CNIH3: variants seen among roughly 807,000 people sequenced by gnomAD.
CNIH3 encodes the protein protein cornichon homolog 3.
A neutral mutation model predicts 24.1 loss-of-function variants in CNIH3; 14 were observed. That is an observed-to-expected ratio of 0.58 (90% CI 0.38 to 0.91). The LOEUF is 0.91. Ranked by LOEUF, CNIH3 falls within the 40% of genes least tolerant of loss-of-function variation. The pLI, the probability that CNIH3 is intolerant of heterozygous loss-of-function variation, is 0.00. For synonymous variants in CNIH3, 68 were observed against 73.8 expected, an observed-to-expected ratio of 0.92 and a Z score of 0.40; for missense variants, 178 against 196.8, an observed-to-expected ratio of 0.90 and a Z score of 0.57.
Position 224,616,419 on chromosome 1 carries a change from A to C in CNIH3, c.-756A>C, listed in dbSNP as rs1293528031. 1.0e-6 allele frequency: 1 copy of C among 967,768 alleles called. No homozygotes were observed. The highest frequency in any genetic ancestry group is 1.2e-6 in the Non-Finnish European group (1 of 809,884). The allele number at this position is 967,768 out of a possible 1,614,324, so 59.9% of individuals were successfully genotyped here. On this transcript the variant is annotated 5_prime_UTR_variant, in exon 1 of 6. Coordinates refer to ENST00000272133, the MANE Select transcript of CNIH3 (RefSeq NM_152495.2). ...CCACTGCTGCAGCCACCCGGGCTGG[A>C]GTTGGCCCGTTGGGTGGAGCCAGTG...
intron 4 of CNIH3, among the ~76,000 whole-genome samples, chr1:224,569,913 A>G (rs1417125872): frequency 1.3e-5 from 2 of 152,010 alleles, no homozygotes; most frequent in Non-Finnish European, 2.9e-5. Context: ...CCTCCAGAGT[A>G]GCTGGGATTA....
chr1:224,523,487 G>A (rs2124918592), intron 2 of CNIH3, among the ~76,000 whole-genome samples: 2 of 152,248 alleles, frequency 1.3e-5, no homozygotes, highest in South Asian at 4.1e-4. Flanking sequence ...CTCAAGACCA[G>A]GCAAAATGAA....
At chr1:224,516,788 C>T (rs1338251843) in intron 1 of CNIH3, among the ~76,000 whole-genome samples, 1 of 152,222 alleles carries the variant, frequency 6.6e-6, no homozygotes, top group East Asian at 1.9e-4. Context: ...CGTTTTCTTA[C>T]CCTCTGCCAT....
At chr1:224,733,407 T>C (rs957160696) in intron 4 of CNIH3, among the ~76,000 whole-genome samples, 1 of 152,190 alleles carries the variant, frequency 6.6e-6, no homozygotes, top group African/African-American at 2.4e-5. Context: ...GCTTTTGAGA[T>C]TGGCTCCCAG....
intron 1 of CNIH3, among the ~76,000 whole-genome samples, chr1:224,489,049 T>A (rs1677141255): frequency 6.6e-6 from 1 of 152,226 alleles, no homozygotes; most frequent in Non-Finnish European, 1.5e-5. Flanking sequence ...TTTCTTTGAA[T>A]ATTGAATAAT....
rs1048431733 is a variant in CNIH3 at position 224,604,789 on chromosome 1, T to A, written n.402+38525T>A. ...GACATGCCCCAGCTCGCCTGTGTTA[T>A]AGCTTATACCCACATTTGGTGGTTC... On this transcript the variant is annotated intron_variant and non_coding_transcript_variant, in intron 3 of 7. Transcript: ENST00000478120. The surrounding 1 kb of genome is among the most constrained non-coding windows in gnomAD (Gnocchi z 4.4). Among the ~76,000 whole-genome samples the A allele has an allele frequency of 2.0e-5, 3 of 152,206 alleles. No homozygotes were observed. Among genetic ancestry groups the A allele is most frequent in the Admixed American group, 1.3e-4 (2 of 15,286 alleles).
rs548879323 is a variant in CNIH3 at position 224,644,368 on chromosome 1, G to A, written c.81+27113G>A. On this transcript the variant is annotated intron_variant, in intron 1 of 5. Transcript: ENST00000272133. ...TGGGACTACAGGGGTGTGCCTCCAC[G>A]CCCAGCTAATTTTTGTATTTTTTGT... Among the ~76,000 whole-genome samples, 58 of 151,760 alleles carry A rather than the reference G, an allele frequency of 3.8e-4. No homozygotes were observed. In the South Asian group the frequency reaches 0.011, roughly 29 times the overall value.
At chr1:224,598,559 T>C (rs1158942871) in intron 3 of CNIH3, among the ~76,000 whole-genome samples, 1 of 152,218 alleles carries the variant, frequency 6.6e-6, no homozygotes, top group Non-Finnish European at 1.5e-5. Context: ...AGAGAGATCT[T>C]TCACGAAAGG....
intron 4 of CNIH3, among the ~76,000 whole-genome samples, chr1:224,581,226 C>T (rs1246482583): frequency 6.6e-6 from 1 of 152,204 alleles, no homozygotes; most frequent in South Asian, 2.1e-4. Context: ...GGGATTTAGG[C>T]TTTACCCAAG....
intron 1 of CNIH3, among the ~76,000 whole-genome samples, chr1:224,517,778 G>A (rs1032276356): frequency 2.0e-5 from 3 of 152,084 alleles, no homozygotes; most frequent in African/African-American, 4.8e-5. Flanking sequence ...GTCTCGATCC[G>A]GGTTGCTGCA....
chr1:224,528,669 A>G (rs1280521321), intron 2 of CNIH3, among the ~76,000 whole-genome samples: 1 of 152,126 alleles, frequency 6.6e-6, no homozygotes, highest in Admixed American at 6.5e-5. Flanking sequence ...GTTACAGGCA[A>G]TTTGGGTTTT....
intron 3 of CNIH3, among the ~76,000 whole-genome samples, chr1:224,698,988 CACT>C (rs1687331404): frequency 1.3e-5 from 1 of 78,456 alleles, no homozygotes; most frequent in East Asian, 3.5e-4. Context: ...GCTGAGAGGT[CACT>C]TAGTAAGTGC....
chr1:224,729,669 T>C (rs556380374), intron 3 of CNIH3, among the ~76,000 whole-genome samples: 7 of 152,258 alleles, frequency 4.6e-5, no homozygotes, highest in Non-Finnish European at 7.4e-5. Context: ...ACAGTTACCC[T>C]TTAGCTTACA....
chr1:224,441,465 ATAAT>A (rs1365457447), intron 1 of CNIH3, among the ~76,000 whole-genome samples: 1 of 152,234 alleles, frequency 6.6e-6, no homozygotes, highest in African/African-American at 2.4e-5. Flanking sequence ...AAGTAGATAA[ATAAT>A]TAATAGCCCC....
chr1:224,672,949 C>T (rs758548950), intron 1 of CNIH3, among the ~76,000 whole-genome samples: 1 of 152,186 alleles, frequency 6.6e-6, no homozygotes, highest in Non-Finnish European at 1.5e-5. Flanking sequence ...TTTCCCAGTG[C>T]CCAAATGCTC....
At chr1:224,581,959 T>C (rs1160073651) in intron 4 of CNIH3, among the ~76,000 whole-genome samples, 5 of 152,164 alleles carry the variant, frequency 3.3e-5, no homozygotes, top group African/African-American at 1.2e-4. Flanking sequence ...GGAATCAGAC[T>C]GAGTGTGCGT....
At chr1:224,660,305 C>T (rs1238882643) in intron 1 of CNIH3, among the ~76,000 whole-genome samples, 1 of 152,050 alleles carries the variant, frequency 6.6e-6, no homozygotes, top group Non-Finnish European at 1.5e-5. Context: ...TACTCACTAC[C>T]ACGAGAACAG....
intron 1 of CNIH3, among the ~76,000 whole-genome samples, chr1:224,504,066 T>C (rs1277050475): frequency 6.6e-6 from 1 of 152,212 alleles, no homozygotes; most frequent in Non-Finnish European, 1.5e-5. Flanking sequence ...ATCTGAAAAA[T>C]GGATACAGTA....
intron 3 of CNIH3, among the ~76,000 whole-genome samples, chr1:224,708,854 C>T (rs1194983851): frequency 6.6e-6 from 1 of 152,182 alleles, no homozygotes; most frequent in Non-Finnish European, 1.5e-5. Flanking sequence ...TATTGGCAGC[C>T]TGTGGATCAG....
Sources: allele counts gnomAD v4.1 joint callset (sites outside exome capture counted in the v4.1 genomes callset), GRCh38; gene constraint gnomAD v4.1.1; non-coding constraint Gnocchi (gnomAD v3.1); transcripts MANE v1.5; gene names NCBI Gene and HGNC (gene_info 2026-07-23, HGNC 2026-07-21).